The following CDH13 variants were observed in gnomAD, a reference collection of about 807,000 sequenced individuals.
CDH13 encodes the protein cadherin 13.
A neutral mutation model predicts 63.8 loss-of-function variants in CDH13; 24 were observed. The observed-to-expected ratio is 0.38, with a 90% confidence interval of 0.27 to 0.53. CDH13 has a LOEUF of 0.53. CDH13 is among the 20% of genes least tolerant of loss of function. The pLI, the probability that CDH13 is intolerant of heterozygous loss-of-function variation, is 0.85. For synonymous variants in CDH13, 503 were observed against 355.3 expected (o/e 1.42, Z -4.67); for missense variants, 1,049 against 903.1 (o/e 1.16, Z -2.07).
At chr16:83,447,229 A>C (rs1341959925) in intron 6 of CDH13, among the ~76,000 whole-genome samples, 1 of 150,090 alleles carries the variant, frequency 6.7e-6, no homozygotes, top group Non-Finnish European at 1.5e-5. Context: ...AGCCTAGTCA[A>C]CATGGTGAAA....
rs1160681000 is a variant in CDH13, at chr16:83,257,003, T to G, written c.636+39506T>G. Among the ~76,000 whole-genome samples, 3 of 152,252 alleles carry G rather than the reference T, an allele frequency of 2.0e-5. No homozygotes were observed. In the East Asian group the frequency reaches 5.8e-4, roughly 29 times the overall value. Reference sequence around the variant, plus strand: ...TGTGAGGAGGGCAGGCAAAGCTCATTGCCCTTGGGATTTGTTACCTGGCAA... The same window carrying G: ...TGTGAGGAGGGCAGGCAAAGCTCATGGCCCTTGGGATTTGTTACCTGGCAA... On this transcript the variant is annotated intron_variant, in intron 5 of 13. Coordinates refer to ENST00000567109, the MANE Select transcript of CDH13 (RefSeq NM_001257.5).
At chr16:83,412,699 A>G (rs17286565) in intron 6 of CDH13, among the ~76,000 whole-genome samples, 17,323 of 152,176 alleles carry the variant, frequency 0.11, 1,274 homozygotes, top group Middle Eastern at 0.18. Flanking sequence ...GCACTACTCA[A>G]AATGTTTCTT....
chr16:83,170,131 A>C (rs1273938604), intron 4 of CDH13, among the ~76,000 whole-genome samples: 1 of 152,088 alleles, frequency 6.6e-6, no homozygotes, highest in African/African-American at 2.4e-5. Context: ...TCATATATTA[A>C]ATTTTGCAAA....
At position 83,133,163 on chromosome 16, in the gene CDH13, C is replaced by A. The variant is rs560315488; in HGVS notation, c.483+7662C>A. 9.8e-5 allele frequency among the ~76,000 whole-genome samples: 15 copies of A among 152,342 alleles called. No individual in the cohort carries two copies. The South Asian group carries it at 3.1e-3, about 32-fold the overall frequency. On this transcript the variant is annotated intron_variant, in intron 4 of 13. Transcript: ENST00000567109. ...GTAACACTTCATTCCATTATTGGGACAACTTGGCAGTTGAATGTACCTTTT... is the reference window on the plus strand; with the variant it reads ...GTAACACTTCATTCCATTATTGGGAAAACTTGGCAGTTGAATGTACCTTTT...
chr16:83,569,150 G>GTCCTT (rs1904338708), intron 7 of CDH13, among the ~76,000 whole-genome samples: 1 of 151,926 alleles, frequency 6.6e-6, no homozygotes, highest in South Asian at 2.1e-4. Flanking sequence ...CCTGCCCTCT[G>GTCCTT]TGCTTTGCAC....
At chr16:83,263,193 G>T (rs893758103) in intron 5 of CDH13, among the ~76,000 whole-genome samples, 1 of 152,208 alleles carries the variant, frequency 6.6e-6, no homozygotes, top group Non-Finnish European at 1.5e-5. Flanking sequence ...GGAATCAAGT[G>T]ATACAGGTGT....
At chr16:82,751,891 G>A (rs1464156742) in intron 1 of CDH13, among the ~76,000 whole-genome samples, 1 of 152,148 alleles carries the variant, frequency 6.6e-6, no homozygotes, top group Non-Finnish European at 1.5e-5. Context: ...ATGTCTGAAT[G>A]TACAGAAAGC....
intron 6 of CDH13, among the ~76,000 whole-genome samples, chr16:83,383,866 G>T (rs1303470382): frequency 3.3e-5 from 5 of 152,142 alleles, no homozygotes; most frequent in Non-Finnish European, 5.9e-5. Context: ...TCAGTGTCTG[G>T]GTATTTGGTG....
intron 6 of CDH13, among the ~76,000 whole-genome samples, chr16:83,467,034 C>A (rs951011461): frequency 6.6e-6 from 1 of 152,146 alleles, no homozygotes; most frequent in African/African-American, 2.4e-5. Context: ...ATCCAGGACT[C>A]CAGCCACAAT....
At chr16:82,805,589 A>C (rs1473041732) in intron 1 of CDH13, among the ~76,000 whole-genome samples, 2 of 152,204 alleles carry the variant, frequency 1.3e-5, no homozygotes, top group African/African-American at 4.8e-5. Flanking sequence ...CCCAAATATA[A>C]GTATGACAAG....
intron 6 of CDH13, among the ~76,000 whole-genome samples, chr16:83,423,875 C>T (rs867641039): frequency 6.6e-6 from 1 of 152,218 alleles, no homozygotes; most frequent in African/African-American, 2.4e-5. Flanking sequence ...TTCTTACTTT[C>T]TACCCCCATT....
chr16:82,996,715 T>C (rs1799394351), intron 2 of CDH13, among the ~76,000 whole-genome samples: 1 of 152,062 alleles, frequency 6.6e-6, no homozygotes, highest in Non-Finnish European at 1.5e-5. Context: ...ATGAGAGTGA[T>C]GATGATGATG....
At chr16:83,090,944 T>C (rs2033876562) in intron 3 of CDH13, among the ~76,000 whole-genome samples, 1 of 152,142 alleles carries the variant, frequency 6.6e-6, no homozygotes, top group East Asian at 1.9e-4. Context: ...TGGATATTCT[T>C]TTCTATTCCT....
intron 7 of CDH13, among the ~76,000 whole-genome samples, chr16:83,598,405 T>G (rs1706722184): frequency 1.3e-5 from 2 of 152,120 alleles, no homozygotes; most frequent in Admixed American, 1.3e-4. Context: ...TACAGTAACT[T>G]TCCCTGGCTA....
intron 10 of CDH13, among the ~76,000 whole-genome samples, chr16:83,698,883 A>G (rs1425624107): frequency 6.6e-6 from 1 of 152,274 alleles, no homozygotes; most frequent in Non-Finnish European, 1.5e-5. Context: ...ATCTGTGAAT[A>G]GGCATGGCTG....
chr16:83,795,443 G>A lies in CDH13; in HGVS notation c.*413G>A, dbSNP rs995260392. 9 of 161,980 alleles carry A rather than the reference G, an allele frequency of 5.6e-5. No individual in the cohort carries two copies. The highest frequency in any genetic ancestry group is 8.1e-5 in the Non-Finnish European group (6 of 74,014). The allele number at this position is 161,980 out of a possible 1,614,324, so 10.0% of individuals were successfully genotyped here. A position where few individuals can be genotyped will look rare whatever the true frequency, so the allele number is the denominator to read the frequency against. The stretch of plus-strand genomic sequence containing the variant: ...GTATTTATAGAGAGAGACTATCCTG[G>A]AGAAGCCTCGTTTTGATGCCATTCT... On this transcript the variant is annotated 3_prime_UTR_variant, in exon 14 of 14. Transcript: ENST00000567109.
At position 83,512,289 on chromosome 16, in the gene CDH13, C is replaced by G. The variant is rs528895670; in HGVS notation, c.960+25634C>G. On this transcript the variant is annotated intron_variant, in intron 7 of 13. Transcript: ENST00000567109. Reference sequence around the variant, plus strand: ...TGAGCGGAGATTGCACCACTGCACTCTAGCCTGGCGGACAGAGTGAAACTC... The same window carrying G: ...TGAGCGGAGATTGCACCACTGCACTGTAGCCTGGCGGACAGAGTGAAACTC... Among the ~76,000 whole-genome samples, 587 of 150,390 alleles carry G rather than the reference C, an allele frequency of 3.9e-3. 8 individuals are homozygous for G. The highest frequency in any genetic ancestry group is 0.014 in the African/African-American group (553 of 40,842).
At chr16:82,710,356 AC>A (rs1356109475) in intron 1 of CDH13, among the ~76,000 whole-genome samples, 2 of 145,298 alleles carry the variant, frequency 1.4e-5, no homozygotes, top group East Asian at 3.9e-4. Context: ...ACATGGTGAA[AC>A]CCCATCTCTA....
At chr16:83,590,010 G>A (rs1253484988) in intron 7 of CDH13, among the ~76,000 whole-genome samples, 1 of 152,184 alleles carries the variant, frequency 6.6e-6, no homozygotes, top group Non-Finnish European at 1.5e-5. Flanking sequence ...ATGCGGAGGA[G>A]TGAAAAAGCC....
Sources: allele counts gnomAD v4.1 joint callset (sites outside exome capture counted in the v4.1 genomes callset), GRCh38; gene constraint gnomAD v4.1.1; transcripts MANE v1.5; gene names NCBI Gene and HGNC (gene_info 2026-07-23, HGNC 2026-07-21).